GPC5: variants seen among roughly 807,000 people sequenced by gnomAD.
GPC5 encodes the protein glypican 5.
Under a neutral mutation model 53.9 loss-of-function variants are expected in GPC5, and 47 were observed. The ratio of observed to expected loss-of-function variants is 0.87; its 90% CI spans 0.69 to 1.11. The LOEUF is 1.11. GPC5 is among the 50% of genes most tolerant of loss of function. The pLI is 0.00. For missense variants in GPC5, 748 were observed against 713.1 expected (o/e 1.05, Z -0.56); for synonymous variants, 286 against 263.3 (o/e 1.09, Z -0.84).
chr13:92,618,687 T>TAAAAAAAAAA (rs5805756), intron 7 of GPC5, among the ~76,000 whole-genome samples: 1 of 137,990 alleles, frequency 7.2e-6, no homozygotes. Context: ...TAAAAAATGT[T>TAAAAAAAAAA]AAAAAAAAAA....
chr13:92,009,642 C>T (rs536818614), intron 6 of GPC5, among the ~76,000 whole-genome samples: 6 of 152,244 alleles, frequency 3.9e-5, no homozygotes, highest in Admixed American at 3.9e-4. Flanking sequence ...CTCCTTGTAG[C>T]TTTCCACTTT....
In GPC5 at chr13:91,646,744, C is replaced by G. The variant is rs368204436; in HGVS notation, c.326-46443C>G. Among the ~76,000 whole-genome samples, 163 of 152,130 alleles carry G rather than the reference C, an allele frequency of 1.1e-3. 3 individuals are homozygous for G. In the South Asian group the frequency reaches 0.033, roughly 30 times the overall value. On this transcript the variant is annotated intron_variant, in intron 2 of 7. Transcript: ENST00000377067. ...GCATATAAAAAGTCCCAAATCTACT[C>G]TACAAGACAACATGATCTAGGTGTT...
At chr13:91,960,013 C>A (rs2040112233) in intron 6 of GPC5, among the ~76,000 whole-genome samples, 1 of 151,402 alleles carries the variant, frequency 6.6e-6, no homozygotes, top group Admixed American at 6.6e-5. Flanking sequence ...AAAGCCTTTC[C>A]TCTAAGAACT....
At chr13:92,554,723 A>G (rs1882434826) in intron 7 of GPC5, among the ~76,000 whole-genome samples, 1 of 151,088 alleles carries the variant, frequency 6.6e-6, no homozygotes, top group African/African-American at 2.4e-5. Context: ...GAAACATTAT[A>G]TAAAATATTA....
chr13:91,588,229 T>C lies in GPC5; in HGVS notation c.326-104958T>C, dbSNP rs140884532. 2.3e-3 allele frequency among the ~76,000 whole-genome samples: 345 copies of C among 152,288 alleles called. 2 individuals carry two copies. The highest frequency in any genetic ancestry group is 8.0e-3 in the African/African-American group (331 of 41,578). On this transcript the variant is annotated intron_variant, in intron 2 of 7. Transcript: ENST00000377067. ...CATTAGAAATCTATACATACAGCTA[T>C]GGTAAATATTCTTAGGCCTCAAATT...
intron 7 of GPC5, among the ~76,000 whole-genome samples, chr13:92,790,005 G>T (rs1421466295): frequency 6.6e-6 from 1 of 152,146 alleles, no homozygotes; most frequent in African/African-American, 2.4e-5. Context: ...GGAATCTGAT[G>T]TTCGAGGGCA....
At chr13:92,157,037 T>G (rs903085821) in intron 7 of GPC5, among the ~76,000 whole-genome samples, 2 of 152,186 alleles carry the variant, frequency 1.3e-5, no homozygotes, top group African/African-American at 2.4e-5. Context: ...TCTCTGTGCA[T>G]GAGTATGTAT....
At chr13:92,119,567 A>ATTTTTTTTTT (rs59391576) in intron 6 of GPC5, among the ~76,000 whole-genome samples, 1 of 70,612 alleles carries the variant, frequency 1.4e-5, no homozygotes. Flanking sequence ...CGCCTGGCTA[A>ATTTTTTTTTT]TTTTTTTTTT....
chr13:92,829,107 A>G (rs935103987), intron 7 of GPC5, among the ~76,000 whole-genome samples: 1 of 152,184 alleles, frequency 6.6e-6, no homozygotes, highest in African/African-American at 2.4e-5. Flanking sequence ...ATGGAAACAG[A>G]TGTAATGTAT....
chr13:92,445,402 T>C (rs1163313407), intron 7 of GPC5, among the ~76,000 whole-genome samples: 7 of 151,540 alleles, frequency 4.6e-5, no homozygotes, highest in African/African-American at 1.7e-4. Context: ...GCCATGCTGG[T>C]GTGCTGCACC....
intron 5 of GPC5, among the ~76,000 whole-genome samples, chr13:91,903,423 T>C (rs1408573967): frequency 6.6e-6 from 1 of 152,084 alleles, no homozygotes; most frequent in African/African-American, 2.4e-5. Context: ...ATGGTTAGAT[T>C]TAGCATACGT....
At chr13:91,829,183 A>T (rs1448362718) in intron 5 of GPC5, among the ~76,000 whole-genome samples, 1 of 152,134 alleles carries the variant, frequency 6.6e-6, no homozygotes, top group Non-Finnish European at 1.5e-5. Flanking sequence ...TGCCAAAAGG[A>T]CATAAACTCC....
intron 7 of GPC5, among the ~76,000 whole-genome samples, chr13:92,768,455 A>C (rs1875493143): frequency 6.6e-6 from 1 of 151,970 alleles, no homozygotes; most frequent in South Asian, 2.1e-4. Context: ...TGCTCCTTTG[A>C]AATTCTTCGT....
intron 7 of GPC5, among the ~76,000 whole-genome samples, chr13:92,735,633 A>G (rs1353320883): frequency 6.6e-6 from 1 of 151,988 alleles, no homozygotes; most frequent in Admixed American, 6.6e-5. Context: ...TATCCACATC[A>G]TATTTTCCTA....
intron 7 of GPC5, among the ~76,000 whole-genome samples, chr13:92,547,154 T>G (rs1566287086): frequency 6.6e-6 from 1 of 152,136 alleles, no homozygotes; most frequent in Non-Finnish European, 1.5e-5. Flanking sequence ...GTCAGTGTTT[T>G]TAAATGACAA....
At chr13:91,455,189 G>A (rs1032976398) in intron 2 of GPC5, among the ~76,000 whole-genome samples, 14 of 150,076 alleles carry the variant, frequency 9.3e-5, no homozygotes, top group Middle Eastern at 6.9e-3. Flanking sequence ...TGATATCTCC[G>A]TGAGTGCTTG....
At chr13:92,541,258 T>C (rs1168340527) in intron 7 of GPC5, among the ~76,000 whole-genome samples, 2 of 151,836 alleles carry the variant, frequency 1.3e-5, no homozygotes, top group Non-Finnish European at 2.9e-5. Flanking sequence ...GGTGTTACTA[T>C]GGTGTTTGGC....
At chr13:91,708,982 T>C (rs185228179) in intron 3 of GPC5, among the ~76,000 whole-genome samples, 1 of 152,364 alleles carries the variant, frequency 6.6e-6, no homozygotes, top group East Asian at 1.9e-4. Context: ...TCCCCACGGA[T>C]GCTCAACTTT....
intron 2 of GPC5, among the ~76,000 whole-genome samples, chr13:91,477,196 A>G (rs144574759): frequency 8.2e-4 from 125 of 152,336 alleles, no homozygotes; most frequent in African/African-American, 3.0e-3. Flanking sequence ...AATACATTTC[A>G]TAATAATATG....
Sources: allele counts gnomAD v4.1 joint callset (sites outside exome capture counted in the v4.1 genomes callset), GRCh38; gene constraint gnomAD v4.1.1; transcripts MANE v1.5; gene names NCBI Gene and HGNC (gene_info 2026-07-23, HGNC 2026-07-21).